The following PTPN6 variants were observed in gnomAD, a reference collection of about 807,000 sequenced individuals.
PTPN6 encodes the protein protein tyrosine phosphatase non-receptor type 6, also known as tyrosine-protein phosphatase non-receptor type 6.
In PTPN6, 18 loss-of-function variants were observed where a neutral mutation model predicts 81.5. The ratio of observed to expected loss-of-function variants is 0.22; its 90% confidence interval spans 0.15 to 0.33. The LOEUF (loss-of-function observed/expected upper bound fraction) is 0.33. PTPN6 is among the 10% of genes least tolerant of loss of function. The pLI, the probability that PTPN6 is intolerant of heterozygous loss-of-function variation, is 1.00. For synonymous variants in PTPN6, 301 were observed against 310.9 expected, an observed-to-expected ratio of 0.97 and a Z score of 0.33; for missense variants, 500 against 794.2, an observed-to-expected ratio of 0.63 and a Z score of 4.45.
upstream of PTPN6, among the ~76,000 whole-genome samples, chr12:6,948,902 G>A (rs1253412189): frequency 4.0e-4 from 60 of 149,706 alleles, no homozygotes; most frequent in African/African-American, 1.4e-3. Context: ...CCGAGATTGC[G>A]TCACTGCACT....
At chr12:6,953,613 GT>G (rs1432121522) in intron 3 of PTPN6, 1 of 152,412 alleles carries the variant, frequency 6.6e-6, no homozygotes, top group Non-Finnish European at 1.5e-5. Context: ...CCTCTGCCTT[GT>G]CTGTGCGCCT....
At chr12:6,948,033 C>T (rs1440968831), upstream of PTPN6, among the ~76,000 whole-genome samples, 1 of 151,988 alleles carries the variant, frequency 6.6e-6, no homozygotes, top group Non-Finnish European at 1.5e-5. Flanking sequence ...CGTCTGTGAT[C>T]CCAGCACTTT....
Position 6,959,988 on chromosome 12 carries a change from A to G in PTPN6, c.1423A>G (p.Thr475Ala), listed in dbSNP as rs782729581. 5.9e-6 allele frequency: 9 copies of G among 1,522,922 alleles called. No individual in the cohort carries two copies. The highest frequency in any genetic ancestry group is 8.1e-6 in the Non-Finnish European group (9 of 1,117,840). The allele number at this position is 1,522,922 out of a possible 1,614,324, so 94.3% of individuals were successfully genotyped here. A position where few individuals can be genotyped will look rare whatever the true frequency, so the allele number is the denominator to read the frequency against. The change falls in exon 12 of 16, where the codon ACC (threonine) becomes GCC (alanine). Residue 475 changes from threonine (T) to alanine (A), a missense_variant. Around this residue, in one of 6 missense-constraint regions of PTPN6, gnomAD observed 226 missense variants for 364.4 expected, o/e 0.62. Transcript: ENST00000318974. The surrounding 1 kb of genome is among the most constrained non-coding windows in gnomAD (Gnocchi z 6.6). The part of the protein sequence containing the change: ...VIDMLMENIS[T>A]KGLDCDIDIQ... The stretch of plus-strand genomic sequence containing the variant: ...CGACATGCTCATGGAGAACATCTCC[A>G]CCAAGGGTGAGGGGCACCTGGGGGT...
chr12:6,957,536 T>A lies in PTPN6; in HGVS notation c.1075-118T>A, dbSNP rs1239399162. 5 of 1,356,546 alleles carry A rather than the reference T, an allele frequency of 3.7e-6. No homozygotes were observed. Among genetic ancestry groups the A allele is most frequent in the Non-Finnish European group, 5.1e-6 (5 of 983,098 alleles). 84.0% of individuals were successfully genotyped at this position (1,356,546 alleles called of 1,614,324 possible). A position where few individuals can be genotyped will look rare whatever the true frequency, so the allele number is the denominator to read the frequency against. On this transcript the variant is annotated intron_variant, in intron 9 of 15. Coordinates refer to ENST00000318974, the MANE Select transcript of PTPN6 (RefSeq NM_002831.6). The surrounding 1 kb of genome is among the most constrained non-coding windows in gnomAD (Gnocchi z 6.5). ...GGTCTCCTGCCTCTCTGCCAGCCCA[T>A]CCGTCCATCCAACAAATGTTTGGGC...
chr12:6,950,256 C>T (rs1457087942), upstream of PTPN6, among the ~76,000 whole-genome samples: 3 of 151,952 alleles, frequency 2.0e-5, no homozygotes, highest in Non-Finnish European at 4.4e-5. Context: ...GTGTCTCCCC[C>T]AGCCCTGTCC....
chr12:6,951,153 C>G (rs1259515130), upstream of PTPN6: 1 of 1,125,462 alleles, frequency 8.9e-7, no homozygotes, highest in East Asian at 3.6e-5. This position sits in a 1 kb window ranked among gnomAD's most constrained non-coding sequence, Gnocchi z 7.2. Flanking sequence ...GTCCTTACTG[C>G]ATGTGTTGTC....
chr12:6,950,969 C>T (rs139856386), upstream of PTPN6, among the ~76,000 whole-genome samples: 288 of 152,332 alleles, frequency 1.9e-3, 1 homozygote, highest in Middle Eastern at 6.8e-3. Flanking sequence ...GCACAGCGCC[C>T]GGCATCCAGC....
rs1413475665 is a variant in PTPN6, at chr12:6,954,132, C to A, written c.327-673C>A. On this transcript the variant is annotated intron_variant, in intron 3 of 15. Coordinates refer to ENST00000318974, the MANE Select transcript of PTPN6 (RefSeq NM_002831.6). The surrounding 1 kb of genome is among the most constrained non-coding windows in gnomAD (Gnocchi z 5.4). ...TTCAAATCCGTTTGAACCCTGGGCT[C>A]CCCTTCAGTGACATCATCCAGGGCA... Among the ~76,000 whole-genome samples, 1 of 152,122 alleles carries A rather than the reference C, an allele frequency of 6.6e-6. No individual in the cohort carries two copies. The highest frequency in any genetic ancestry group is 1.5e-5 in the Non-Finnish European group (1 of 68,008).
upstream of PTPN6, chr12:6,946,656 A>G: frequency 9.6e-6 from 13 of 1,359,658 alleles, 1 homozygote; most frequent in South Asian, 1.4e-4. Context: ...GCCACTGTGC[A>G]CAGCTGTGCC....
At chr12:6,958,143 T>C (rs1946065710) in intron 11 of PTPN6, 70 bp downstream of exon 11, 2 of 1,578,338 alleles carry the variant, frequency 1.3e-6, no homozygotes, top group East Asian at 2.2e-5. Flanking sequence ...CATGAGCTGT[T>C]ATAAGCAATA....
At chr12:6,947,851 T>C (rs1945855100), upstream of PTPN6, among the ~76,000 whole-genome samples, 1 of 151,884 alleles carries the variant, frequency 6.6e-6, no homozygotes, top group Admixed American at 6.6e-5. Flanking sequence ...GAGTCAAGCA[T>C]CTCTGGGCAG....
upstream of PTPN6, among the ~76,000 whole-genome samples, chr12:6,947,282 C>T (rs948031154): frequency 2.0e-5 from 3 of 152,240 alleles, no homozygotes; most frequent in African/African-American, 7.2e-5. Flanking sequence ...GGTCTCTGCT[C>T]TCACGGAGCT....
At position 6,957,542 on chromosome 12, in the gene PTPN6, C is replaced by T. The variant is rs1349036329; in HGVS notation, c.1075-112C>T. On this transcript the variant is annotated intron_variant, in intron 9 of 15. Transcript: ENST00000318974. The surrounding 1 kb of genome is among the most constrained non-coding windows in gnomAD (Gnocchi z 6.5). ...CTGCCTCTCTGCCAGCCCATCCGTC[C>T]ATCCAACAAATGTTTGGGCCGGTGC... 8 of 1,386,214 alleles carry T rather than the reference C, an allele frequency of 5.8e-6. No homozygotes were observed. Among genetic ancestry groups the T allele is most frequent in the Admixed American group, 1.9e-5 (1 of 51,408 alleles). 85.9% of individuals were successfully genotyped at this position (1,386,214 alleles called of 1,614,324 possible).
chr12:6,952,125 A>G lies in PTPN6; in HGVS notation c.274A>G (p.Thr92Ala). The G allele has an allele frequency of 6.2e-7, 1 of 1,614,094 alleles. No homozygotes were observed. Among genetic ancestry groups the G allele is most frequent in the Non-Finnish European group, 8.5e-7 (1 of 1,180,008 alleles). ...GGGTGTCCTGCAGGACCGCGACGGC[A>G]CCATCATCCACCTCAAGTACCCGCT... ...QQGVLQDRDG[T>A]IIHLKYPLNC... Residue 92 changes from threonine to alanine, a missense_variant, in exon 3 of 16, where the codon ACC (threonine) becomes GCC (alanine). Around this residue, in one of 6 missense-constraint regions of PTPN6, gnomAD observed 98 missense variants for 199.2 expected, o/e 0.49. Transcript: ENST00000318974. This position sits in a 1 kb window ranked among gnomAD's most constrained non-coding sequence, Gnocchi z 8.1.
intron 11 of PTPN6, among the ~76,000 whole-genome samples, chr12:6,958,408 T>C (rs1946071793): frequency 6.6e-6 from 1 of 152,256 alleles, no homozygotes; most frequent in Admixed American, 6.5e-5. Flanking sequence ...GCACCCACAG[T>C]AGGCCTGTGT....
In PTPN6 at chr12:6,958,066, C is replaced by T; in HGVS notation, c.1354C>T (p.His452Tyr). ...SLPHAGPIIV[H>Y]CSAGIGRTGT... ...GCCTCACGCAGGGCCCATCATCGTG[C>T]ACTGCAGGTGAGGATGATAATCCTG... Residue 452 changes from histidine (H) to tyrosine (Y), a missense_variant, in exon 11 of 16, where the codon CAC becomes TAC. Coordinates refer to ENST00000318974, the MANE Select transcript of PTPN6 (RefSeq NM_002831.6). 1 of 1,611,334 alleles carries T rather than the reference C, an allele frequency of 6.2e-7. No homozygotes were observed.
At position 6,954,820 on chromosome 12, in the gene PTPN6, C is replaced by T. The variant is rs782230443; in HGVS notation, c.342C>T (p.His114=). The change falls in exon 4 of 16, where the codon CAC becomes CAT. Residue 114 remains histidine (H), a synonymous_variant. Coordinates refer to ENST00000318974, the MANE Select transcript of PTPN6 (RefSeq NM_002831.6). This position sits in a 1 kb window ranked among gnomAD's most constrained non-coding sequence, Gnocchi z 5.4. ...CCTTCTCTAGGTGGTACCATGGCCACATGTCTGGCGGGCAGGCAGAGACGC... is the reference window on the plus strand; with the variant it reads ...CCTTCTCTAGGTGGTACCATGGCCATATGTCTGGCGGGCAGGCAGAGACGC... ...DPTSERWYHG[H]MSGGQAETLL... is the part of the protein sequence containing the mutation. 7.4e-6 allele frequency: 12 copies of T among 1,613,944 alleles called. No homozygotes were observed. In the Admixed American group the frequency reaches 1.7e-4, roughly 22 times the overall value.
intron 11 of PTPN6, among the ~76,000 whole-genome samples, chr12:6,958,690 A>T (rs781946536): frequency 1.3e-5 from 2 of 152,154 alleles, no homozygotes; most frequent in Non-Finnish European, 2.9e-5. Flanking sequence ...ACCTCTGGTA[A>T]GGTGCAGAGG....
Position 6,960,194 on chromosome 12 carries a change from C to T in PTPN6, c.1536C>T (p.Ile512=), listed in dbSNP as rs782327102. ...EAQYKFIYVA[I]AQFIETTKKK... is the part of the protein sequence containing the mutation. ...AGTACAAGTTCATCTACGTGGCCAT[C>T]GCCCAGTTCATTGAAACCACTAAGA... Residue 512 remains isoleucine (I), a synonymous_variant, in exon 13 of 16, where the codon ATC becomes ATT. Transcript: ENST00000318974. This position sits in a 1 kb window ranked among gnomAD's most constrained non-coding sequence, Gnocchi z 6.1. 1.4e-5 allele frequency: 23 copies of T among 1,613,008 alleles called. No homozygotes were observed. The highest frequency in any genetic ancestry group is 2.2e-5 in the East Asian group (1 of 44,838).
Sources: gnomAD v4.1 joint callset for allele counts (sites outside exome capture counted in the v4.1 genomes callset) on GRCh38, gnomAD v4.1.1 for gene constraint, gnomAD v4.1.1 regional missense constraint, Gnocchi (gnomAD v3.1) non-coding constraint, MANE v1.5 for transcripts, NCBI Gene and HGNC (gene_info 2026-07-23, HGNC 2026-07-21) for gene names.